CNOT6L: variants seen among roughly 807,000 people sequenced by gnomAD.
The protein encoded by CNOT6L is CCR4-NOT transcription complex subunit 6 like, also known as CCR4-NOT transcription complex subunit 6-like.
In CNOT6L, 7 loss-of-function variants were observed where a neutral mutation model predicts 64.0. The ratio of observed to expected loss-of-function variants is 0.11; its 90% CI spans 0.06 to 0.21. CNOT6L has a LOEUF of 0.21. Ranked by LOEUF, CNOT6L falls within the 10% of genes least tolerant of loss-of-function variation. CNOT6L has a pLI of 1.00. For synonymous variants in CNOT6L, 193 were observed against 243.4 expected (o/e 0.79, Z 1.93); for missense variants, 245 against 669.0 (o/e 0.37, Z 6.99).
chr4:77,718,278 CCAAAA>C lies in CNOT6L; in HGVS notation c.*2148_*2152del, dbSNP rs1205447595. 6.6e-6 allele frequency: 1 copy of C among 152,274 alleles called. No individual in the cohort carries two copies. The highest frequency in any genetic ancestry group is 1.5e-5 in the Non-Finnish European group (1 of 67,958). 9.4% of individuals were successfully genotyped at this position (152,274 alleles called of 1,614,324 possible). On this transcript the variant is annotated 3_prime_UTR_variant, in exon 12 of 12. Coordinates refer to ENST00000504123, the MANE Select transcript of CNOT6L (RefSeq NM_144571.3). Reference sequence around the variant, plus strand: ...TATACCTCCAGAGCAGAAAACCCACCCAAAACAAAAGATCTAAAATAAAACATACA... The same window carrying C: ...TATACCTCCAGAGCAGAAAACCCACCCAAAAGATCTAAAATAAAACATACA...
chr4:77,750,541 G>T (rs1043367467), intron 5 of CNOT6L, among the ~76,000 whole-genome samples: 8 of 152,128 alleles, frequency 5.3e-5, no homozygotes, highest in South Asian at 2.1e-4. Context: ...TTTCAGTAGA[G>T]ACGTGGTTTC....
At chr4:77,772,750 G>A (rs569594722) in intron 4 of CNOT6L, among the ~76,000 whole-genome samples, 35 of 151,994 alleles carry the variant, frequency 2.3e-4, no homozygotes, top group Admixed American at 4.6e-4. Context: ...GTGAAACCCC[G>A]TCTCTACTAA....
chr4:77,809,612 AT>A (rs1732668961), intron 1 of CNOT6L, among the ~76,000 whole-genome samples: 2 of 152,156 alleles, frequency 1.3e-5, no homozygotes, highest in Non-Finnish European at 1.5e-5. Context: ...GTTAAATATG[AT>A]AAACATTATG....
chr4:77,727,693 T>C (rs974251264), intron 10 of CNOT6L, among the ~76,000 whole-genome samples: 7 of 152,132 alleles, frequency 4.6e-5, no homozygotes, highest in Non-Finnish European at 1.5e-5. Flanking sequence ...TTCACTATGT[T>C]GTGTTGCCAA....
chr4:77,812,392 A>G (rs1733048045), intron 1 of CNOT6L, among the ~76,000 whole-genome samples: 1 of 151,056 alleles, frequency 6.6e-6, no homozygotes, highest in African/African-American at 2.4e-5. Context: ...GAGCCAAGAC[A>G]GTGCCATTGC....
chr4:77,730,173 A>G (rs1014363193), intron 9 of CNOT6L, among the ~76,000 whole-genome samples: 6 of 152,148 alleles, frequency 3.9e-5, no homozygotes, highest in Admixed American at 3.9e-4. Context: ...GTTTCTTTCC[A>G]GTCTCACCAA....
intron 1 of CNOT6L, among the ~76,000 whole-genome samples, chr4:77,797,470 T>C (rs1367058656): frequency 6.6e-6 from 1 of 152,230 alleles, no homozygotes; most frequent in Non-Finnish European, 1.5e-5. Context: ...TCACACTGTT[T>C]AGTATACCTG....
rs149905111 is a variant in CNOT6L, at chr4:77,803,677, G to A, written c.5+15627C>T. ...CCATCACTTTGAGAGGCCGAGGCAGGTAGATAACCTGAGAACGGCAGTTCA... is the reference window on the plus strand; with the variant it reads ...CCATCACTTTGAGAGGCCGAGGCAGATAGATAACCTGAGAACGGCAGTTCA... On this transcript the variant is annotated intron_variant, in intron 1 of 11. Coordinates refer to ENST00000504123, the MANE Select transcript of CNOT6L (RefSeq NM_144571.3). Among the ~76,000 whole-genome samples, 31 of 152,294 alleles carry A rather than the reference G, an allele frequency of 2.0e-4. No homozygotes were observed. In the East Asian group the frequency reaches 5.8e-3, roughly 28 times the overall value.
chr4:77,797,486 T>A (rs529009367), intron 1 of CNOT6L, among the ~76,000 whole-genome samples: 2 of 152,204 alleles, frequency 1.3e-5, no homozygotes, highest in Admixed American at 6.5e-5. Flanking sequence ...ACCTGCCTAT[T>A]AGTCAATCAG....
intron 4 of CNOT6L, among the ~76,000 whole-genome samples, chr4:77,772,519 T>C (rs1006240210): frequency 2.6e-5 from 4 of 152,108 alleles, no homozygotes; most frequent in East Asian, 1.9e-4. Context: ...TTCAGTTTTA[T>C]AGAAAAATTA....
At chr4:77,766,271 T>C (rs1383563315) in intron 4 of CNOT6L, among the ~76,000 whole-genome samples, 5 of 152,168 alleles carry the variant, frequency 3.3e-5, no homozygotes, top group African/African-American at 1.2e-4. Flanking sequence ...AGAAAAATAA[T>C]ATAATCATCT....
At chr4:77,755,309 C>T (rs1023286639) in intron 5 of CNOT6L, among the ~76,000 whole-genome samples, 7 of 123,326 alleles carry the variant, frequency 5.7e-5, no homozygotes, top group Admixed American at 4.6e-4. Flanking sequence ...GGCGCAATCT[C>T]GGGTTCAAGC....
intron 1 of CNOT6L, among the ~76,000 whole-genome samples, chr4:77,814,728 A>G (rs1379022008): frequency 6.6e-6 from 1 of 152,206 alleles, no homozygotes; most frequent in Non-Finnish European, 1.5e-5. Flanking sequence ...GAGATTATAT[A>G]TAACTCCCCA....
At chr4:77,731,668 G>T in intron 8 of CNOT6L, 130 bp from the exon 9 acceptor site, 1 of 638,054 alleles carries the variant, frequency 1.6e-6, no homozygotes, top group South Asian at 2.5e-5. Flanking sequence ...ATACAGTTCT[G>T]GCCACTAAGA....
At chr4:77,732,248 C>A (rs1722523844) in intron 8 of CNOT6L, among the ~76,000 whole-genome samples, 1 of 151,994 alleles carries the variant, frequency 6.6e-6, no homozygotes, top group South Asian at 2.1e-4. Flanking sequence ...TTCATTAATG[C>A]CAAATTATTA....
intron 5 of CNOT6L, among the ~76,000 whole-genome samples, chr4:77,750,721 GAAAT>G (rs1724762669): frequency 6.6e-6 from 1 of 152,098 alleles, no homozygotes; most frequent in African/African-American, 2.4e-5. Flanking sequence ...ACAAAACAAA[GAAAT>G]AAAGAGTTAT....
intron 10 of CNOT6L, among the ~76,000 whole-genome samples, chr4:77,728,194 C>T (rs902934208): frequency 6.6e-6 from 1 of 152,162 alleles, no homozygotes; most frequent in Non-Finnish European, 1.5e-5. Flanking sequence ...TAACTACTAA[C>T]ATTATCCAAA....
intron 1 of CNOT6L, among the ~76,000 whole-genome samples, chr4:77,787,005 C>T (rs1298364260): frequency 1.3e-5 from 2 of 152,070 alleles, no homozygotes; most frequent in Non-Finnish European, 2.9e-5. Context: ...GTGGCTCACG[C>T]CTGTAATCCC....
intron 1 of CNOT6L, among the ~76,000 whole-genome samples, chr4:77,808,481 AGAG>A (rs1732513269): frequency 6.6e-6 from 1 of 150,814 alleles, no homozygotes; most frequent in African/African-American, 2.4e-5. Context: ...AAAAAAAAAA[AGAG>A]AAGAGAAAAG....
Sources: gnomAD v4.1 joint callset for allele counts (sites outside exome capture counted in the v4.1 genomes callset) on GRCh38, gnomAD v4.1.1 for gene constraint, MANE v1.5 for transcripts, NCBI Gene and HGNC (gene_info 2026-07-23, HGNC 2026-07-21) for gene names.